Variants in B3GLCT observed in about 807,000 individuals in gnomAD.
B3GLCT encodes the protein beta-1,3-glucosyltransferase.
B3GLCT carries 65 observed loss-of-function variants against 63.4 expected under a neutral mutation model. The ratio of observed to expected loss-of-function variants is 1.03; its 90% confidence interval spans 0.84 to 1.26. The LOEUF is 1.26. B3GLCT is among the 50% of genes most tolerant of loss of function. B3GLCT has a pLI of 0.00. For missense variants in B3GLCT, 577 were observed against 604.8 expected, an observed-to-expected ratio of 0.95 and a Z score of 0.48; for synonymous variants, 233 against 219.2, an observed-to-expected ratio of 1.06 and a Z score of -0.55.
intron 14 of B3GLCT, among the ~76,000 whole-genome samples, chr13:31,327,532 G>A (rs1875694216): frequency 6.6e-6 from 1 of 152,218 alleles, no homozygotes; most frequent in Non-Finnish European, 1.5e-5. Context: ...AAAATTGACT[G>A]TGGGACACTG....
At chr13:31,233,401 G>A (rs1031666172) in intron 4 of B3GLCT, among the ~76,000 whole-genome samples, 2 of 151,898 alleles carry the variant, frequency 1.3e-5, no homozygotes, top group South Asian at 2.1e-4. Context: ...ACTTAAAGAA[G>A]ATGGAAATCC....
At chr13:31,224,287 G>C (rs1869980885) in intron 3 of B3GLCT, among the ~76,000 whole-genome samples, 1 of 152,164 alleles carries the variant, frequency 6.6e-6, no homozygotes, top group Non-Finnish European at 1.5e-5. Context: ...CTGTGGCTTT[G>C]AGCATTTATT....
Position 31,203,793 on chromosome 13 carries a change from A to C in B3GLCT, c.70+3639A>C, listed in dbSNP as rs566916567. ...GAAAAGTTGTGAGTTTCAAGGGTTCATCAGACCTATTGAGGAAGTTCTTCC... is the reference window on the plus strand; with the variant it reads ...GAAAAGTTGTGAGTTTCAAGGGTTCCTCAGACCTATTGAGGAAGTTCTTCC... On this transcript the variant is annotated intron_variant, in intron 1 of 14. Transcript: ENST00000343307. Among the ~76,000 whole-genome samples, 3 of 152,348 alleles carry C rather than the reference A, an allele frequency of 2.0e-5. No individual in the cohort carries two copies. In the East Asian group the frequency reaches 5.8e-4, roughly 29 times the overall value.
At chr13:31,276,366 G>T (rs1872783017) in intron 9 of B3GLCT, among the ~76,000 whole-genome samples, 1 of 152,162 alleles carries the variant, frequency 6.6e-6, no homozygotes, top group Non-Finnish European at 1.5e-5. Context: ...ACATTTATTG[G>T]TCAGTTACTA....
chr13:31,314,508 G>A (rs1402053161), intron 12 of B3GLCT, among the ~76,000 whole-genome samples: 2 of 152,210 alleles, frequency 1.3e-5, no homozygotes, highest in East Asian at 3.8e-4. Context: ...GGACTTGAAT[G>A]GGGCCTGTGG....
At chr13:31,224,738 G>T (rs993689522) in intron 3 of B3GLCT, among the ~76,000 whole-genome samples, 8 of 152,180 alleles carry the variant, frequency 5.3e-5, no homozygotes, top group Non-Finnish European at 7.3e-5. Flanking sequence ...GTTTGTGGGT[G>T]TGTGTGTATG....
At chr13:31,205,168 C>A (rs751637143) in intron 1 of B3GLCT, among the ~76,000 whole-genome samples, 21 of 150,474 alleles carry the variant, frequency 1.4e-4, no homozygotes, top group Non-Finnish European at 1.9e-4. Flanking sequence ...ATATTTGGGT[C>A]TGTAGAGGAC....
At chr13:31,261,661 G>A (rs1566068578) in intron 7 of B3GLCT, among the ~76,000 whole-genome samples, 1 of 152,174 alleles carries the variant, frequency 6.6e-6, no homozygotes. Flanking sequence ...TTGTTGACAA[G>A]CCCTTCAGAT....
At position 31,272,367 on chromosome 13, in the gene B3GLCT, A is replaced by G. The variant is rs373369293; in HGVS notation, c.661-2142A>G. Among the ~76,000 whole-genome samples the G allele has an allele frequency of 8.8e-4, 134 of 151,966 alleles. 4 individuals are homozygous for G. In the South Asian group the frequency reaches 0.027, roughly 30 times the overall value. On this transcript the variant is annotated intron_variant, in intron 8 of 14. Transcript: ENST00000343307. ...TTAGCTGGGATTACAGGTGCCCGCCACCATGCCCGGCTAATTTTTTTTGTA... is the reference window on the plus strand; with the variant it reads ...TTAGCTGGGATTACAGGTGCCCGCCGCCATGCCCGGCTAATTTTTTTTGTA...
At chr13:31,201,010 T>TAA (rs11463665) in intron 1 of B3GLCT, among the ~76,000 whole-genome samples, 2,378 of 143,380 alleles carry the variant, frequency 0.017, 31 homozygotes, top group East Asian at 0.037. Flanking sequence ...TGATAAAAGT[T>TAA]AAAAAAAAAA....
intron 13 of B3GLCT, 100 bp from the exon 14 acceptor site, chr13:31,323,651 C>A: frequency 7.4e-7 from 1 of 1,354,542 alleles, no homozygotes; most frequent in Non-Finnish European, 1.1e-6. Flanking sequence ...TATTGCCTCT[C>A]AGTCTGCAGG....
At chr13:31,276,088 T>C (rs1472121479) in intron 9 of B3GLCT, among the ~76,000 whole-genome samples, 1 of 152,272 alleles carries the variant, frequency 6.6e-6, no homozygotes, top group East Asian at 1.9e-4. Context: ...GTGCCCCCTT[T>C]CATCTGTGTG....
chr13:31,227,378 A>C (rs548640145), intron 3 of B3GLCT, among the ~76,000 whole-genome samples: 80 of 152,368 alleles, frequency 5.3e-4, no homozygotes, highest in Non-Finnish European at 9.4e-4. Context: ...CTTAACAAAA[A>C]GAAATCCTTA....
intron 12 of B3GLCT, among the ~76,000 whole-genome samples, chr13:31,300,903 C>T (rs888282929): frequency 1.3e-5 from 2 of 152,088 alleles, no homozygotes; most frequent in Admixed American, 1.3e-4. Flanking sequence ...AGTTTTTGGT[C>T]CCTGAGCAAG....
chr13:31,250,065 C>G (rs540285230), intron 6 of B3GLCT, among the ~76,000 whole-genome samples: 4 of 152,158 alleles, frequency 2.6e-5, no homozygotes, highest in Non-Finnish European at 5.9e-5. Flanking sequence ...TTGCCTTCCT[C>G]GGTGATTTCT....
chr13:31,234,871 G>A (rs1870570132), intron 4 of B3GLCT, among the ~76,000 whole-genome samples: 1 of 152,160 alleles, frequency 6.6e-6, no homozygotes, highest in South Asian at 2.1e-4. Flanking sequence ...AGTGCCGTTA[G>A]GGAGTAGACC....
At chr13:31,319,740 C>T (rs1282850144) in intron 13 of B3GLCT, among the ~76,000 whole-genome samples, 1 of 152,182 alleles carries the variant, frequency 6.6e-6, no homozygotes, top group Admixed American at 6.5e-5. Flanking sequence ...CTCTGCTGGC[C>T]TCTGGATTCA....
chr13:31,232,796 G>A (rs1191320844), intron 4 of B3GLCT, among the ~76,000 whole-genome samples: 1 of 152,174 alleles, frequency 6.6e-6, no homozygotes, highest in Non-Finnish European at 1.5e-5. Flanking sequence ...TTTTCATTGT[G>A]TATTATTTGT....
At chr13:31,316,431 A>ATATATATATATATCTATATATATATAT (rs1555255278) in intron 12 of B3GLCT, among the ~76,000 whole-genome samples, 1 of 110,056 alleles carries the variant, frequency 9.1e-6, no homozygotes, top group Non-Finnish European at 1.9e-5. Flanking sequence ...ATATATATAT[A>ATATATATATATATCTATATATATATAT]AATTTTTTTT....
Sources: allele counts gnomAD v4.1 joint callset (sites outside exome capture counted in the v4.1 genomes callset), GRCh38; gene constraint gnomAD v4.1.1; transcripts MANE v1.5; gene names NCBI Gene and HGNC (gene_info 2026-07-23, HGNC 2026-07-21).